The following TANC2 variants were observed in gnomAD, a reference collection of about 807,000 sequenced individuals.
TANC2 encodes the protein tetratricopeptide repeat, ankyrin repeat and coiled-coil containing 2.
TANC2 carries 26 observed loss-of-function variants against 210.5 expected under a neutral mutation model. The ratio of observed to expected loss-of-function variants is 0.12; its 90% CI spans 0.09 to 0.17. TANC2 has a LOEUF of 0.17. Among genes scored for constraint, TANC2 ranks in the 10% least tolerant of loss-of-function variants. The pLI is 1.00. For missense variants in TANC2, 2,129 were observed against 2,608.9 expected (o/e 0.82, Z 4.01); for synonymous variants, 931 against 967.1 (o/e 0.96, Z 0.69).
At chr17:63,174,878 A>G (rs2040524523) in intron 5 of TANC2, among the ~76,000 whole-genome samples, 1 of 152,226 alleles carries the variant, frequency 6.6e-6, no homozygotes. Context: ...AATTTAATTT[A>G]CAACAGCATC....
In TANC2 at chr17:63,138,241, G is replaced by A. The variant is rs189186511; in HGVS notation, c.323-13029G>A. On this transcript the variant is annotated intron_variant, in intron 4 of 27. Transcript: ENST00000689528. ...TGTTGGAACTACATTATAGAAAGAA[G>A]CTTCCTACTGAATACGCATATTGAA... Among the ~76,000 whole-genome samples the A allele has an allele frequency of 5.3e-5, 8 of 152,280 alleles. No homozygotes were observed. The East Asian group carries it at 1.5e-3, about 29-fold the overall frequency.
At chr17:63,368,026 G>A (rs909547226) in intron 14 of TANC2, among the ~76,000 whole-genome samples, 5 of 152,218 alleles carry the variant, frequency 3.3e-5, no homozygotes. Context: ...TATAGCAACA[G>A]TCTAGGTGAG....
chr17:63,401,248 G>A (rs1453245389), intron 19 of TANC2, among the ~76,000 whole-genome samples: 3 of 152,138 alleles, frequency 2.0e-5, no homozygotes, highest in South Asian at 2.1e-4. Context: ...GTTGGTGGGG[G>A]CTCATATCTG....
At chr17:63,051,580 A>G (rs2035584031) in intron 2 of TANC2, among the ~76,000 whole-genome samples, 1 of 152,208 alleles carries the variant, frequency 6.6e-6, no homozygotes. Context: ...ATATTCATAA[A>G]TTAAACTTTA....
At chr17:63,387,594 C>G (rs1424829818) in intron 15 of TANC2, among the ~76,000 whole-genome samples, 1 of 152,194 alleles carries the variant, frequency 6.6e-6, no homozygotes, top group Non-Finnish European at 1.5e-5. Context: ...AAGTACCTCC[C>G]TATATCTCTT....
intron 4 of TANC2, among the ~76,000 whole-genome samples, chr17:63,138,364 T>C (rs1033372446): frequency 6.6e-6 from 1 of 152,216 alleles, no homozygotes; most frequent in Admixed American, 6.5e-5. Context: ...ACTGTAACTG[T>C]AGTGATACAT....
chr17:63,203,907 G>A (rs1219596029), intron 7 of TANC2, among the ~76,000 whole-genome samples: 4 of 152,112 alleles, frequency 2.6e-5, no homozygotes, highest in African/African-American at 7.2e-5. Flanking sequence ...AACAAATGAC[G>A]AAAGTTGAGA....
chr17:63,030,003 A>G (rs1388659445), intron 2 of TANC2, among the ~76,000 whole-genome samples: 1 of 152,188 alleles, frequency 6.6e-6, no homozygotes, highest in African/African-American at 2.4e-5. Context: ...ATCACTCATC[A>G]GTTAATGACA....
At chr17:63,183,877 C>T (rs531904862) in intron 5 of TANC2, among the ~76,000 whole-genome samples, 4 of 152,118 alleles carry the variant, frequency 2.6e-5, no homozygotes, top group South Asian at 2.1e-4. Context: ...ATTAGCCGGG[C>T]GAGGTGGCGG....
At chr17:63,339,380 A>T (rs1369596812) in intron 11 of TANC2, among the ~76,000 whole-genome samples, 1 of 152,200 alleles carries the variant, frequency 6.6e-6, no homozygotes, top group African/African-American at 2.4e-5. Context: ...GCAGATTCTA[A>T]CAAACAAAAA....
intron 12 of TANC2, among the ~76,000 whole-genome samples, chr17:63,346,983 G>C (rs2046434769): frequency 6.6e-6 from 1 of 151,980 alleles, no homozygotes; most frequent in South Asian, 2.1e-4. Flanking sequence ...TGGGATTATA[G>C]GCATGAGCCA....
intron 2 of TANC2, among the ~76,000 whole-genome samples, chr17:63,010,759 T>C (rs370255770): frequency 6.6e-6 from 1 of 152,166 alleles, no homozygotes; most frequent in East Asian, 1.9e-4. Flanking sequence ...ACAGTTTCTT[T>C]ACAAGATTAT....
chr17:63,178,732 A>C (rs898962955), intron 5 of TANC2, among the ~76,000 whole-genome samples: 1 of 152,256 alleles, frequency 6.6e-6, no homozygotes, highest in Non-Finnish European at 1.5e-5. Flanking sequence ...TAATCAACAA[A>C]TCAGAAAATG....
At chr17:63,223,333 A>G (rs1013253030) in intron 7 of TANC2, among the ~76,000 whole-genome samples, 3 of 152,214 alleles carry the variant, frequency 2.0e-5, no homozygotes, top group African/African-American at 7.2e-5. Context: ...GAAAGAAAGC[A>G]GGTTTATTAG....
intron 17 of TANC2, chr17:63,391,126 T>C (rs989174742): frequency 1.3e-5 from 2 of 152,198 alleles, no homozygotes; most frequent in African/African-American, 4.8e-5. Flanking sequence ...TTTTTCTAAA[T>C]TCACACTACC....
chr17:63,110,031 T>A (rs1362320268), intron 4 of TANC2, among the ~76,000 whole-genome samples: 1 of 151,776 alleles, frequency 6.6e-6, no homozygotes, highest in Non-Finnish European at 1.5e-5. Flanking sequence ...TTTCATCATC[T>A]TCTGCTCTAG....
chr17:63,292,321 A>G (rs552955863), intron 9 of TANC2, among the ~76,000 whole-genome samples: 1 of 152,350 alleles, frequency 6.6e-6, no homozygotes, highest in South Asian at 2.1e-4. Flanking sequence ...GGAGAAGACA[A>G]GAAAAGAACT....
chr17:63,358,596 T>C (rs1310419606), intron 14 of TANC2, among the ~76,000 whole-genome samples: 2 of 152,192 alleles, frequency 1.3e-5, no homozygotes, highest in African/African-American at 4.8e-5. Flanking sequence ...ATCTGTCCTA[T>C]GTTTTATTCT....
exon 28 of TANC2, chr17:63,427,519 A>T (rs1359320670): frequency 6.6e-6 from 1 of 152,268 alleles, no homozygotes; most frequent in Non-Finnish European, 1.5e-5. Context: ...ATAAGGAAAG[A>T]CATTTTCCTT....
Sources: gnomAD v4.1 joint callset for allele counts (sites outside exome capture counted in the v4.1 genomes callset) on GRCh38, gnomAD v4.1.1 for gene constraint, MANE v1.5 for transcripts, NCBI Gene and HGNC (gene_info 2026-07-23, HGNC 2026-07-21) for gene names.